Variants in CCDC73 observed in about 807,000 individuals in gnomAD.
CCDC73 encodes coiled-coil domain-containing protein 73.
A neutral mutation model predicts 116.5 loss-of-function variants in CCDC73; 95 were observed. The ratio of observed to expected loss-of-function variants is 0.82; its 90% CI spans 0.69 to 0.97. The LOEUF is 0.97. Ranked by LOEUF, CCDC73 falls within the 50% of genes least tolerant of loss-of-function variation. The pLI is 0.00. For missense variants in CCDC73, 1,066 were observed against 1,206.8 expected (o/e 0.88, Z 1.73); for synonymous variants, 398 against 401.3 (o/e 0.99, Z 0.10).
chr11:32,698,031 T>TGAGACGGAG (rs1849772432), intron 6 of CCDC73, among the ~76,000 whole-genome samples: 1 of 94,716 alleles, frequency 1.1e-5, no homozygotes, highest in African/African-American at 3.9e-5. Context: ...TTTTTTTTTT[T>TGAGACGGAG]TTTTTTTTTT....
chr11:32,710,279 T>C (rs1376056591), intron 3 of CCDC73, among the ~76,000 whole-genome samples: 1 of 152,218 alleles, frequency 6.6e-6, no homozygotes, highest in Non-Finnish European at 1.5e-5. Flanking sequence ...GACCTTAGAT[T>C]GTCTGTATGT....
At chr11:32,698,011 A>ATTTTTTTTT (rs869153507) in intron 6 of CCDC73, among the ~76,000 whole-genome samples, 2 of 18,864 alleles carry the variant, frequency 1.1e-4, no homozygotes, top group African/African-American at 1.9e-4. Flanking sequence ...CTAACACTGA[A>ATTTTTTTTT]TTTTTTTTTT....
At chr11:32,824,187 G>A in the CCDC73 span, among the ~76,000 whole-genome samples, 9 of 152,024 alleles carry the variant, frequency 5.9e-5, no homozygotes, top group Admixed American at 1.3e-4. Context: ...GAGCCACCAC[G>A]CCCAGCCCCT....
intron 9 of CCDC73, among the ~76,000 whole-genome samples, chr11:32,659,247 G>C (rs1855900599): frequency 6.6e-6 from 1 of 152,092 alleles, no homozygotes; most frequent in African/African-American, 2.4e-5. Context: ...AGAGTGGATG[G>C]GAGAGTGAAG....
chr11:32,685,427 T>C (rs1169638589), intron 6 of CCDC73, among the ~76,000 whole-genome samples: 3 of 152,144 alleles, frequency 2.0e-5, no homozygotes, highest in Non-Finnish European at 4.4e-5. Flanking sequence ...AACTCCTTTC[T>C]GAGATAGCAA....
At chr11:32,765,666 G>T (rs1850434274) in intron 1 of CCDC73, among the ~76,000 whole-genome samples, 1 of 152,218 alleles carries the variant, frequency 6.6e-6, no homozygotes, top group Non-Finnish European at 1.5e-5. Context: ...AAGCAGGAAA[G>T]ATCTAAAATT....
rs143143307 is a variant in CCDC73, at chr11:32,771,376, C to T, written c.-15-11118G>A. Among the ~76,000 whole-genome samples the T allele has an allele frequency of 3.9e-4, 60 of 152,274 alleles. No individual in the cohort carries two copies. In the South Asian group the frequency reaches 7.2e-3, roughly 18 times the overall value. The stretch of plus-strand genomic sequence containing the variant: ...AAACAATGTACTAGGGGACCACTCC[C>T]GGGTTGCAGAATGGAGACCTAATCA... On this transcript the variant is annotated intron_variant, in intron 1 of 17. Coordinates refer to ENST00000335185, the MANE Select transcript of CCDC73 (RefSeq NM_001008391.4).
chr11:32,696,514 C>A lies in CCDC73; in HGVS notation c.390+2737G>T, dbSNP rs188510593. Reference sequence around the variant, plus strand: ...CAATCACAGCTCAATGCAGCCTCAACCTTCTGGGTTCAAGTGATTCTCCTA... The same window carrying A: ...CAATCACAGCTCAATGCAGCCTCAAACTTCTGGGTTCAAGTGATTCTCCTA... On this transcript the variant is annotated intron_variant, in intron 6 of 17. Coordinates refer to ENST00000335185, the MANE Select transcript of CCDC73 (RefSeq NM_001008391.4). 1.6e-3 allele frequency among the ~76,000 whole-genome samples: 249 copies of A among 152,238 alleles called. 1 individual carries two copies. The highest frequency in any genetic ancestry group is 3.8e-3 in the Admixed American group (58 of 15,294).
intron 9 of CCDC73, among the ~76,000 whole-genome samples, chr11:32,671,011 T>A (rs976177755): frequency 1.6e-4 from 25 of 152,220 alleles, no homozygotes; most frequent in African/African-American, 5.5e-4. Context: ...AAAACATGCT[T>A]TTGATTTTAT....
intron 1 of CCDC73, among the ~76,000 whole-genome samples, chr11:32,791,991 TACACACAC>T (rs66955881): frequency 1.2e-4 from 17 of 145,204 alleles, no homozygotes; most frequent in South Asian, 4.4e-4. Flanking sequence ...CACACACACA[TACACACAC>T]ACACACACAC....
At chr11:32,807,837 C>T in the CCDC73 span, among the ~76,000 whole-genome samples, 2 of 152,120 alleles carry the variant, frequency 1.3e-5, no homozygotes, top group Non-Finnish European at 1.5e-5. Flanking sequence ...TACAATAAAA[C>T]TTAGTACAAA....
chr11:32,711,135 A>C (rs745514154), intron 3 of CCDC73, among the ~76,000 whole-genome samples: 2 of 152,204 alleles, frequency 1.3e-5, no homozygotes, highest in African/African-American at 2.4e-5. Flanking sequence ...AAAAAATCAA[A>C]AAATAATAGA....
chr11:32,616,519 A>C (rs1855475954), intron 14 of CCDC73, among the ~76,000 whole-genome samples: 1 of 152,140 alleles, frequency 6.6e-6, no homozygotes, highest in South Asian at 2.1e-4. Flanking sequence ...CCCAGGCTGG[A>C]GTGCAGTGGC....
chr11:32,608,509 C>T (rs553978427), intron 17 of CCDC73, among the ~76,000 whole-genome samples: 1 of 152,310 alleles, frequency 6.6e-6, no homozygotes, highest in East Asian at 1.9e-4. Context: ...TTGCAGGGTA[C>T]AGCCTCCCTC....
At chr11:32,772,356 G>T (rs1026171968) in intron 1 of CCDC73, among the ~76,000 whole-genome samples, 2 of 152,008 alleles carry the variant, frequency 1.3e-5, no homozygotes, top group Non-Finnish European at 2.9e-5. Flanking sequence ...ACAAAAGCAG[G>T]GGGACTGTTC....
At chr11:32,826,840 G>A in the CCDC73 span, among the ~76,000 whole-genome samples, 1 of 151,952 alleles carries the variant, frequency 6.6e-6, no homozygotes, top group Non-Finnish European at 1.5e-5. Context: ...TGGAAGAAAG[G>A]CATAAGAATA....
At chr11:32,674,574 T>C (rs979801616) in intron 9 of CCDC73, among the ~76,000 whole-genome samples, 11 of 152,196 alleles carry the variant, frequency 7.2e-5, no homozygotes, top group African/African-American at 2.7e-4. Context: ...AGTTACTCAA[T>C]AATGTCATCA....
At chr11:32,718,250 TACA>T (rs1162284367) in intron 2 of CCDC73, 103 bp from the exon 3 acceptor site, 1 of 685,430 alleles carries the variant, frequency 1.5e-6, no homozygotes, top group Middle Eastern at 4.2e-4. Flanking sequence ...CTCCCACCTT[TACA>T]ACAAGAAAAA....
intron 1 of CCDC73, among the ~76,000 whole-genome samples, chr11:32,780,629 T>C (rs1350788448): frequency 7.9e-5 from 12 of 152,062 alleles, no homozygotes; most frequent in Non-Finnish European, 1.6e-4. Context: ...AATAGAAAAA[T>C]AGCCAATTAA....
Sources: allele counts gnomAD v4.1 joint callset (sites outside exome capture counted in the v4.1 genomes callset), GRCh38; gene constraint gnomAD v4.1.1; transcripts MANE v1.5; gene names NCBI Gene and HGNC (gene_info 2026-07-23, HGNC 2026-07-21).